The following TRMT9B variants were observed in gnomAD, a reference collection of about 807,000 sequenced individuals.
The protein encoded by TRMT9B is tRNA methyltransferase 9B (putative), also known as probable tRNA methyltransferase 9B.
TRMT9B carries 16 observed loss-of-function variants against 11.5 expected under a neutral mutation model. The observed-to-expected ratio is 1.39, with a 90% CI of 0.94 to 2.11. The LOEUF (loss-of-function observed/expected upper bound fraction) is 2.11. Among genes scored for constraint, TRMT9B ranks in the 30% most tolerant of loss-of-function variants. The pLI is 0.00. For synonymous variants in TRMT9B, 274 were observed against 192.4 expected, an observed-to-expected ratio of 1.42 and a Z score of -3.51; for missense variants, 941 against 553.8, an observed-to-expected ratio of 1.70 and a Z score of -7.02.
intron 1 of TRMT9B, among the ~76,000 whole-genome samples, chr8:12,972,317 C>G (rs1234577603): frequency 6.6e-6 from 1 of 152,064 alleles, no homozygotes; most frequent in Admixed American, 6.5e-5. Flanking sequence ...CCGGCTGGTG[C>G]GGAGACTTTG....
chr8:12,988,692 A>T (rs1181636118), intron 1 of TRMT9B, among the ~76,000 whole-genome samples: 1 of 152,174 alleles, frequency 6.6e-6, no homozygotes, highest in Non-Finnish European at 1.5e-5. Flanking sequence ...CACCCCTATG[A>T]TTCAATTACC....
chr8:13,027,749 G>C lies in TRMT9B; in HGVS notation c.*5705G>C, dbSNP rs1292603358. 4.2e-5 allele frequency: 7 copies of C among 167,050 alleles called. No individual in the cohort carries two copies. 10.3% of individuals were successfully genotyped at this position (167,050 alleles called of 1,614,324 possible). On this transcript the variant is annotated 3_prime_UTR_variant, in exon 5 of 5. Coordinates refer to ENST00000524591, the MANE Select transcript of TRMT9B (RefSeq NM_020844.3). ...TTCATTCTATCAAGAGGCATATGAGGTAAGCGTTATTATACACCCGTCCAG... is the reference window on the plus strand; with the variant it reads ...TTCATTCTATCAAGAGGCATATGAGCTAAGCGTTATTATACACCCGTCCAG...
chr8:13,022,196 A>T lies in TRMT9B; in HGVS notation c.*152A>T. ...TTAATTATTTGGTTGTTTTGTTTTC[A>T]TTTTTGAATAAGCACAGATTCTGGC... On this transcript the variant is annotated 3_prime_UTR_variant, in exon 5 of 5. Transcript: ENST00000524591. 1.7e-6 allele frequency: 1 copy of T among 592,588 alleles called. No homozygotes were observed. The highest frequency in any genetic ancestry group is 2.9e-6 in the Non-Finnish European group (1 of 344,792). The allele number at this position is 592,588 out of a possible 1,614,324, so 36.7% of individuals were successfully genotyped here. A position where few individuals can be genotyped will look rare whatever the true frequency, so the allele number is the denominator to read the frequency against.
At chr8:12,984,183 TA>T (rs1805877741) in intron 1 of TRMT9B, among the ~76,000 whole-genome samples, 1 of 152,208 alleles carries the variant, frequency 6.6e-6, no homozygotes, top group African/African-American at 2.4e-5. Flanking sequence ...TATAAGGTAT[TA>T]TGAAACAACC....
At chr8:13,003,844 A>G (rs923297920) in intron 2 of TRMT9B, among the ~76,000 whole-genome samples, 1 of 149,804 alleles carries the variant, frequency 6.7e-6, no homozygotes, top group Non-Finnish European at 1.5e-5. Flanking sequence ...ACCAAAAATC[A>G]GGAGAGCGCT....
Position 13,021,403 on chromosome 8 carries a change from A to G in TRMT9B, c.724A>G (p.Thr242Ala), listed in dbSNP as rs1813836875. 1.9e-6 allele frequency: 3 copies of G among 1,614,050 alleles called. No individual in the cohort carries two copies. Among genetic ancestry groups the G allele is most frequent in the East Asian group, 2.2e-5 (1 of 44,882 alleles). ...CGAGGAAGAATATGGATTTTACAGC[A>G]CATTAGGAAAATCGTTTCGTTCCTG... Reference protein sequence around the residue: ...EGEEEYGFYSTLGKSFRSWFF... With the variant: ...EGEEEYGFYSALGKSFRSWFF... Residue 242 changes from threonine to alanine, a missense_variant, in exon 5 of 5, where the codon ACA becomes GCA. Physicochemically the swap from Thr to Ala is moderately conservative, Grantham distance 58. Transcript: ENST00000524591.
rs1227666454 is a variant in TRMT9B, at chr8:13,028,000, T to C, written c.*5956T>C. 2 of 166,936 alleles carry C rather than the reference T, an allele frequency of 1.2e-5. No individual in the cohort carries two copies. Among genetic ancestry groups the C allele is most frequent in the African/African-American group, 4.8e-5 (2 of 41,446 alleles). The allele number at this position is 166,936 out of a possible 1,614,324, so 10.3% of individuals were successfully genotyped here. On this transcript the variant is annotated 3_prime_UTR_variant, in exon 5 of 5. Coordinates refer to ENST00000524591, the MANE Select transcript of TRMT9B (RefSeq NM_020844.3). ...ATCTCTCACCAAACAAGGATTGAAA[T>C]TGTATTGCAAATGAAAGAGCTCAGC...
At chr8:12,955,614 C>T (rs1250358847) in intron 1 of TRMT9B, among the ~76,000 whole-genome samples, 1 of 152,178 alleles carries the variant, frequency 6.6e-6, no homozygotes, top group East Asian at 1.9e-4. Context: ...CAACCTTTGC[C>T]ACTTCCATGG....
At chr8:12,983,402 G>T (rs1805732333) in intron 1 of TRMT9B, among the ~76,000 whole-genome samples, 1 of 152,168 alleles carries the variant, frequency 6.6e-6, no homozygotes, top group Non-Finnish European at 1.5e-5. Context: ...GGGTACAGTG[G>T]CTCATGCCTG....
intron 3 of TRMT9B, 36 bp from the exon 4 acceptor site, chr8:13,012,648 T>C (rs1418741850): frequency 6.4e-7 from 1 of 1,556,566 alleles, no homozygotes. Flanking sequence ...CATTTTCCAT[T>C]GAGGATAGCA....
chr8:12,969,148 A>C (rs1314139596), intron 1 of TRMT9B, among the ~76,000 whole-genome samples: 2 of 152,178 alleles, frequency 1.3e-5, no homozygotes, highest in Non-Finnish European at 2.9e-5. Flanking sequence ...TGGAGATTGC[A>C]GTGAGCTGAG....
intron 2 of TRMT9B, among the ~76,000 whole-genome samples, chr8:12,991,822 T>A (rs994495852): frequency 6.6e-6 from 1 of 151,892 alleles, no homozygotes; most frequent in Non-Finnish European, 1.5e-5. Context: ...TCCCAACTAC[T>A]CGGGAGGCTG....
Position 12,966,909 on chromosome 8 carries a change from C to G in TRMT9B, c.-200+20943C>G, listed in dbSNP as rs564750638. ...TTACCACATTCTTACTACCTTGCTT[C>G]CATTTTACAGTGTTCCTTTCCATGT... On this transcript the variant is annotated intron_variant, in intron 1 of 4. Coordinates refer to ENST00000524591, the MANE Select transcript of TRMT9B (RefSeq NM_020844.3). Among the ~76,000 whole-genome samples the G allele has an allele frequency of 2.0e-5, 3 of 152,260 alleles. No individual in the cohort carries two copies. The East Asian group carries it at 5.8e-4, about 29-fold the overall frequency.
chr8:12,980,874 C>A (rs950788949), intron 1 of TRMT9B, among the ~76,000 whole-genome samples: 2 of 152,172 alleles, frequency 1.3e-5, no homozygotes, highest in African/African-American at 4.8e-5. Context: ...AGCAGTGGCA[C>A]TAGATAAGGA....
chr8:13,011,930 T>A, intron 3 of TRMT9B: 1 of 985,320 alleles, frequency 1.0e-6, no homozygotes, highest in Non-Finnish European at 1.2e-6. Context: ...TTGTTGACAG[T>A]TGTTTGTTTT....
chr8:12,961,235 A>G (rs1307033216), intron 1 of TRMT9B, among the ~76,000 whole-genome samples: 3 of 152,212 alleles, frequency 2.0e-5, no homozygotes, highest in African/African-American at 7.2e-5. Flanking sequence ...ACTGTCTAAT[A>G]CAAAGAGTGA....
intron 4 of TRMT9B, among the ~76,000 whole-genome samples, chr8:13,014,880 G>T (rs1411397120): frequency 6.6e-6 from 1 of 151,948 alleles, no homozygotes; most frequent in African/African-American, 2.4e-5. Flanking sequence ...GGCCAAGAAG[G>T]TGAAACCCCG....
intron 3 of TRMT9B, chr8:13,011,034 G>A: frequency 1.5e-6 from 1 of 663,128 alleles, no homozygotes; most frequent in Non-Finnish European, 1.9e-6. Context: ...ACCTAGGCTG[G>A]AGTGAGGTGA....
At chr8:12,990,013 G>C (rs1477981557) in intron 1 of TRMT9B, among the ~76,000 whole-genome samples, 2 of 152,280 alleles carry the variant, frequency 1.3e-5, no homozygotes, top group East Asian at 1.9e-4. Flanking sequence ...GGTTGGGCTG[G>C]TGTAGGGGAA....
Sources: gnomAD v4.1 joint callset for allele counts (sites outside exome capture counted in the v4.1 genomes callset) on GRCh38, gnomAD v4.1.1 for gene constraint, MANE v1.5 for transcripts, NCBI Gene and HGNC (gene_info 2026-07-23, HGNC 2026-07-21) for gene names.